The following NRXN1 variants were observed in gnomAD, a reference collection of about 807,000 sequenced individuals.
NRXN1 encodes neurexin-1.
In NRXN1, 39 loss-of-function variants were observed where a neutral mutation model predicts 150.9. That is an observed-to-expected ratio of 0.26 (90% CI 0.20 to 0.34). NRXN1 has a LOEUF of 0.34. Ranked by LOEUF, NRXN1 falls within the 10% of genes least tolerant of loss-of-function variation. The probability of loss-of-function intolerance (pLI) is 1.00; values close to 1 mark genes in which losing one functional copy is unlikely to be tolerated. For missense variants in NRXN1, 1,815 were observed against 1,949.9 expected, an observed-to-expected ratio of 0.93 and a Z score of 1.30; for synonymous variants, 924 against 757.0, an observed-to-expected ratio of 1.22 and a Z score of -3.62.
chr2:50,997,692 C>G (rs1295504636), intron 2 of NRXN1, among the ~76,000 whole-genome samples: 1 of 140,056 alleles, frequency 7.1e-6, no homozygotes, highest in African/African-American at 3.0e-5. Context: ...AAAAAATTAT[C>G]TGGAGACGGT....
At chr2:50,940,237 G>C (rs1222189054) in intron 2 of NRXN1, among the ~76,000 whole-genome samples, 3 of 151,994 alleles carry the variant, frequency 2.0e-5, no homozygotes. Flanking sequence ...CAGCACTTTG[G>C]GAGGCCAAGG....
intron 8 of NRXN1, among the ~76,000 whole-genome samples, chr2:50,599,108 T>G (rs1573728122): frequency 6.6e-6 from 1 of 152,230 alleles, no homozygotes; most frequent in South Asian, 2.1e-4. Flanking sequence ...ATCAACTACC[T>G]CATTTAACAC....
chr2:51,001,567 C>T (rs539959515), intron 2 of NRXN1, among the ~76,000 whole-genome samples: 5 of 152,032 alleles, frequency 3.3e-5, no homozygotes, highest in Admixed American at 6.6e-5. Flanking sequence ...ATTAAGCATA[C>T]ATTTTTCCAC....
rs548187009 is a variant in NRXN1, at chr2:50,591,895, G to T, written c.1320+28127C>A. On this transcript the variant is annotated intron_variant, in intron 8 of 22. Transcript: ENST00000401669. ...CTACATTCCCACAAAATTACTACAT[G>T]TCTGAGGTTTCTAAAACCTTTTGTG... Among the ~76,000 whole-genome samples the T allele has an allele frequency of 1.1e-4, 16 of 152,294 alleles. No individual in the cohort carries two copies. In the South Asian group the frequency reaches 3.3e-3, roughly 32 times the overall value.
intron 21 of NRXN1, among the ~76,000 whole-genome samples, chr2:50,042,955 T>C (rs1299101696): frequency 1.3e-5 from 2 of 152,126 alleles, no homozygotes; most frequent in Non-Finnish European, 2.9e-5. Context: ...AGTGTATCAT[T>C]AACTAGATCA....
intron 17 of NRXN1, among the ~76,000 whole-genome samples, chr2:50,461,458 A>G (rs779262208): frequency 7.2e-5 from 11 of 152,038 alleles, no homozygotes; most frequent in Non-Finnish European, 1.5e-4. Flanking sequence ...GGTCATAGCC[A>G]TGTTCATCTT....
intron 18 of NRXN1, among the ~76,000 whole-genome samples, chr2:50,115,170 ACTACT>A (rs1199115769): frequency 1.3e-5 from 2 of 149,096 alleles, no homozygotes; most frequent in Non-Finnish European, 3.0e-5. Context: ...TGAACCTAAA[ACTACT>A]CTAAAGAATA....
chr2:50,220,776 G>A (rs1416042868), intron 18 of NRXN1, among the ~76,000 whole-genome samples: 1 of 151,882 alleles, frequency 6.6e-6, no homozygotes, highest in Non-Finnish European at 1.5e-5. Context: ...TTAAAGGATT[G>A]GAAAATAGCT....
intron 17 of NRXN1, among the ~76,000 whole-genome samples, chr2:50,300,996 G>A (rs1216119066): frequency 1.3e-5 from 2 of 152,062 alleles, no homozygotes; most frequent in Admixed American, 6.6e-5. Context: ...ACGATCAGCT[G>A]AGTAGCCATC....
intron 18 of NRXN1, among the ~76,000 whole-genome samples, chr2:50,122,312 A>T (rs1703969421): frequency 6.6e-6 from 1 of 152,246 alleles, no homozygotes; most frequent in African/African-American, 2.4e-5. Flanking sequence ...ATGTCTTTTC[A>T]GTGCTCTTGA....
chr2:50,321,992 A>G (rs2076068817), intron 17 of NRXN1, among the ~76,000 whole-genome samples: 1 of 151,646 alleles, frequency 6.6e-6, no homozygotes, highest in African/African-American at 2.4e-5. Flanking sequence ...TAGATTAGCA[A>G]AGTGGTCTAC....
chr2:50,035,038 C>G (rs1228244497), intron 21 of NRXN1, among the ~76,000 whole-genome samples: 1 of 152,048 alleles, frequency 6.6e-6, no homozygotes, highest in Non-Finnish European at 1.5e-5. Context: ...TCTTCCGTGT[C>G]ATCACACAAC....
In NRXN1 at chr2:51,027,967, G is replaced by A. The variant is rs201648283; in HGVS notation, c.307C>T (p.Leu103Phe). ...FSIFCAEPAT[L>F]LADTPVNDGA... ...TCGTTAACCGGCGTGTCGGCCAGGA[G>A]CGTCGCAGGCTCAGCGCAGAAGATG... The change falls in exon 2 of 23, where the codon CTC (leucine) becomes TTC (phenylalanine). Residue 103 changes from leucine to phenylalanine, a missense_variant. By Grantham distance (22) the Leu-to-Phe change is conservative. Coordinates refer to ENST00000401669, the MANE Select transcript of NRXN1 (RefSeq NM_001330078.2). 13 of 1,602,012 alleles carry A rather than the reference G, an allele frequency of 8.1e-6. No homozygotes were observed. The highest frequency in any genetic ancestry group is 6.7e-5 in the Admixed American group (4 of 59,918).
chr2:50,034,966 T>C (rs1422536817), intron 21 of NRXN1, among the ~76,000 whole-genome samples: 3 of 152,118 alleles, frequency 2.0e-5, no homozygotes, highest in Non-Finnish European at 4.4e-5. Flanking sequence ...AAATTGAATA[T>C]AACAGCTTGG....
chr2:50,454,997 C>G (rs1166279628), intron 17 of NRXN1, among the ~76,000 whole-genome samples: 1 of 151,990 alleles, frequency 6.6e-6, no homozygotes, highest in Non-Finnish European at 1.5e-5. Flanking sequence ...AAGAGGACAG[C>G]CCAAATGAGG....
At chr2:50,355,329 G>A (rs932052645) in intron 17 of NRXN1, among the ~76,000 whole-genome samples, 4 of 150,402 alleles carry the variant, frequency 2.7e-5, no homozygotes, top group African/African-American at 9.8e-5. Flanking sequence ...TTTTGTCAGA[G>A]ATATTCTGAT....
chr2:50,712,333 A>C (rs920152257), intron 5 of NRXN1, among the ~76,000 whole-genome samples: 6 of 152,118 alleles, frequency 3.9e-5, no homozygotes, highest in African/African-American at 1.4e-4. Flanking sequence ...TATTTTTTAA[A>C]AAAAATTGTT....
intron 19 of NRXN1, among the ~76,000 whole-genome samples, chr2:50,056,940 T>C (rs1465964665): frequency 6.6e-6 from 1 of 151,982 alleles, no homozygotes; most frequent in South Asian, 2.1e-4. Flanking sequence ...CATGCTAGAG[T>C]CTTCCAATCA....
intron 5 of NRXN1, among the ~76,000 whole-genome samples, chr2:50,773,012 C>T (rs1034978751): frequency 6.6e-6 from 1 of 152,108 alleles, no homozygotes; most frequent in Non-Finnish European, 1.5e-5. Flanking sequence ...TCCCACTGTG[C>T]TTGGTTCTTG....
Sources: gnomAD v4.1 joint callset for allele counts (sites outside exome capture counted in the v4.1 genomes callset) on GRCh38, gnomAD v4.1.1 for gene constraint, MANE v1.5 for transcripts, NCBI Gene and HGNC (gene_info 2026-07-23, HGNC 2026-07-21) for gene names.